The following CAPRIN1 variants were observed in gnomAD, a reference collection of about 807,000 sequenced individuals.
CAPRIN1 encodes the protein cell cycle associated protein 1.
CAPRIN1 carries 29 observed loss-of-function variants against 100.9 expected under a neutral mutation model. That is an observed-to-expected ratio of 0.29 (90% CI 0.21 to 0.39). The LOEUF is 0.39. CAPRIN1 is among the 10% of genes least tolerant of loss of function. The pLI, the probability that CAPRIN1 is intolerant of heterozygous loss-of-function variation, is 1.00. For synonymous variants in CAPRIN1, 338 were observed against 307.5 expected (o/e 1.10, Z -1.04); for missense variants, 795 against 876.7 (o/e 0.91, Z 1.18).
chr11:34,090,277 T>G lies in CAPRIN1; in HGVS notation c.1392T>G (p.Ile464Met). ...ATEQRPQKEP[I>M]DQIQATISLN... ...AGCAACGACCACAGAAGGAACCAAT[T>G]GATCAGATTCAGGCAAGTTCTGTTA... Residue 464 changes from isoleucine (I) to methionine (M), a missense_variant, in exon 13 of 19, where the codon ATT (isoleucine) becomes ATG (methionine). Coordinates refer to ENST00000341394, the MANE Select transcript of CAPRIN1 (RefSeq NM_005898.5). 2 of 1,612,390 alleles carry G rather than the reference T, an allele frequency of 1.2e-6. No homozygotes were observed. Among genetic ancestry groups the G allele is most frequent in the Non-Finnish European group, 1.7e-6 (2 of 1,178,444 alleles).
At chr11:34,053,548 G>C (rs1480943813) in intron 2 of CAPRIN1, 4 of 151,882 alleles carry the variant, frequency 2.6e-5, no homozygotes, top group Non-Finnish European at 5.9e-5. Flanking sequence ...CAGAGGGGGA[G>C]GGCAGAGACC....
At chr11:34,060,023 C>T (rs116749066) in intron 2 of CAPRIN1, among the ~76,000 whole-genome samples, 12,332 of 150,012 alleles carry the variant, frequency 0.082, 523 homozygotes, top group Non-Finnish European at 0.091. Flanking sequence ...TGTGAAACCC[C>T]GCCTCTATTA....
At chr11:34,059,061 ATTTC>A (rs1182533915) in intron 2 of CAPRIN1, among the ~76,000 whole-genome samples, 4 of 152,062 alleles carry the variant, frequency 2.6e-5, no homozygotes, top group South Asian at 2.1e-4. Flanking sequence ...TAGCTCATTT[ATTTC>A]TTTCTTTCAC....
intron 18 of CAPRIN1, chr11:34,098,162 T>C: frequency 1.0e-6 from 1 of 1,002,292 alleles, no homozygotes; most frequent in Non-Finnish European, 1.2e-6. Context: ...GAAACATGCC[T>C]ATTATATTTT....
At chr11:34,092,770 C>G (rs534354972) in intron 15 of CAPRIN1, among the ~76,000 whole-genome samples, 2 of 152,280 alleles carry the variant, frequency 1.3e-5, no homozygotes, top group African/African-American at 4.8e-5. Flanking sequence ...ATTTCGTGGA[C>G]TGGGTTGAAA....
rs913489899 is a variant in CAPRIN1, at chr11:34,101,450, CCT to C, written c.*2086_*2087del. Reference sequence around the variant, plus strand: ...CTGAAGTAAGTTCTTCACACAGTGACCTCTGAATCAGTTTCAGAGAAGGGATG... The same window carrying C: ...CTGAAGTAAGTTCTTCACACAGTGACCTGAATCAGTTTCAGAGAAGGGATG... On this transcript the variant is annotated 3_prime_UTR_variant, in exon 19 of 19. Coordinates refer to ENST00000341394, the MANE Select transcript of CAPRIN1 (RefSeq NM_005898.5). Among the ~76,000 whole-genome samples, 1 of 152,142 alleles carries C rather than the reference CCT, an allele frequency of 6.6e-6. No individual in the cohort carries two copies. Among genetic ancestry groups the C allele is most frequent in the African/African-American group, 2.4e-5 (1 of 41,442 alleles).
At chr11:34,070,697 G>GA (rs1429480409) in intron 2 of CAPRIN1, among the ~76,000 whole-genome samples, 1 of 147,984 alleles carries the variant, frequency 6.8e-6, no homozygotes, top group East Asian at 2.0e-4. Flanking sequence ...TGCCTGGCCC[G>GA]AAAAAATACT....
intron 2 of CAPRIN1, among the ~76,000 whole-genome samples, chr11:34,057,685 T>TA (rs1850480643): frequency 6.6e-6 from 1 of 152,208 alleles, no homozygotes; most frequent in African/African-American, 2.4e-5. Context: ...GCTATAATCT[T>TA]ACACTGTTAT....
chr11:34,052,345 C>T (rs984972031), intron 1 of CAPRIN1, 76 bp from the exon 2 acceptor site: 3 of 1,205,902 alleles, frequency 2.5e-6, no homozygotes, highest in Non-Finnish European at 3.6e-6. Flanking sequence ...TGTCCCGCGT[C>T]TCGCCCCGTC....
At chr11:34,083,102 T>C in intron 9 of CAPRIN1, 61 bp downstream of exon 9, 1 of 1,087,102 alleles carries the variant, frequency 9.2e-7, no homozygotes, top group Non-Finnish European at 1.4e-6. Flanking sequence ...TTTTTATCTC[T>C]ACTGAGAACA....
Position 34,076,379 on chromosome 11 carries a change from A to G in CAPRIN1, c.510A>G (p.Gln170=), listed in dbSNP as rs1850907578. Residue 170 remains glutamine (Q), a synonymous_variant, in exon 5 of 19, where the codon CAA becomes CAG. Transcript: ENST00000341394. The part of the protein sequence containing the change: ...GDDEVRTDLK[Q]GLNGVPILSE... The stretch of plus-strand genomic sequence containing the variant: ...ATGAAGTGCGGACTGACCTGAAACA[A>G]GGTTTGAATGGAGTGCCAATATTGT... 1.9e-6 allele frequency: 3 copies of G among 1,614,080 alleles called. No individual in the cohort carries two copies. Among genetic ancestry groups the G allele is most frequent in the African/African-American group, 1.3e-5 (1 of 74,942 alleles).
chr11:34,079,905 G>GTTTTTTGTTTTTTTTTTTTTTT (rs1850980964), intron 7 of CAPRIN1, 140 bp downstream of exon 7: 1 of 316,642 alleles, frequency 3.2e-6, no homozygotes, highest in African/African-American at 2.9e-5. Flanking sequence ...GCATGACAAA[G>GTTTTTTGTTTTTTTTTTTTTTT]TTTTTTTTTT....
intron 15 of CAPRIN1, among the ~76,000 whole-genome samples, chr11:34,093,199 TATA>T (rs1851296642): frequency 6.7e-6 from 1 of 149,784 alleles, no homozygotes; most frequent in African/African-American, 2.5e-5. Context: ...TTTTTTTATA[TATA>T]TATTTTTTTA....
At position 34,101,192 on chromosome 11, in the gene CAPRIN1, G is replaced by GT. The variant is rs1287226721; in HGVS notation, c.*1827dup. 6.6e-6 allele frequency: 1 copy of GT among 152,254 alleles called. No individual in the cohort carries two copies. The highest frequency in any genetic ancestry group is 2.4e-5 in the African/African-American group (1 of 41,404). 9.4% of individuals were successfully genotyped at this position (152,254 alleles called of 1,614,324 possible). A position where few individuals can be genotyped will look rare whatever the true frequency, so the allele number is the denominator to read the frequency against. ...GGTTGTGGTACATCATATTGGAAGG[G>GT]TTAACCTGTTACTTTGGCAAATGAG... is the stretch of plus-strand genomic sequence containing the variant. On this transcript the variant is annotated 3_prime_UTR_variant, in exon 19 of 19. Transcript: ENST00000341394.
In CAPRIN1 at chr11:34,065,103, G is replaced by C. The variant is rs189736801; in HGVS notation, c.217-6623G>C. ...GCCTCCTGAGTAGCTGGGACTACAG[G>C]TCCCCGCCACCACGCCCGACTAATT... On this transcript the variant is annotated intron_variant, in intron 2 of 18. Coordinates refer to ENST00000341394, the MANE Select transcript of CAPRIN1 (RefSeq NM_005898.5). Among the ~76,000 whole-genome samples the C allele has an allele frequency of 8.2e-3, 1,239 of 151,762 alleles. 5 individuals carry two copies. The highest frequency in any genetic ancestry group is 0.012 in the Admixed American group (188 of 15,238).
At chr11:34,066,742 C>T (rs1314967301) in intron 2 of CAPRIN1, among the ~76,000 whole-genome samples, 4 of 152,070 alleles carry the variant, frequency 2.6e-5, no homozygotes, top group African/African-American at 9.7e-5. Context: ...CCTCCTGCCT[C>T]AGCCTCCCGA....
chr11:34,056,652 A>G (rs976405742), intron 2 of CAPRIN1: 3 of 152,230 alleles, frequency 2.0e-5, no homozygotes, highest in Non-Finnish European at 2.9e-5. Context: ...GCTATGCAAG[A>G]TATTTCAAAA....
intron 7 of CAPRIN1, among the ~76,000 whole-genome samples, chr11:34,080,544 G>A (rs747255976): frequency 6.6e-6 from 1 of 152,090 alleles, no homozygotes; most frequent in Non-Finnish European, 1.5e-5. Flanking sequence ...CCAAGGCAAG[G>A]GGTCTTTTCC....
Position 34,079,683 on chromosome 11 carries a change from C to T in CAPRIN1, c.744C>T (p.Ser248=). The T allele has an allele frequency of 1.9e-6, 3 of 1,613,978 alleles. No individual in the cohort carries two copies. The highest frequency in any genetic ancestry group is 1.1e-5 in the South Asian group (1 of 91,078). The change falls in exon 7 of 19, where the codon AGC becomes AGT. Residue 248 remains serine (S), a synonymous_variant. Coordinates refer to ENST00000341394, the MANE Select transcript of CAPRIN1 (RefSeq NM_005898.5). The stretch of plus-strand genomic sequence containing the variant: ...TTTTTCAGTCAAACTACTTTGACAG[C>T]ACCCACAACCACCAGAATGGGCTGT... ...ERVFQSNYFD[S]THNHQNGLCE...
Sources: gnomAD v4.1 joint callset for allele counts (sites outside exome capture counted in the v4.1 genomes callset) on GRCh38, gnomAD v4.1.1 for gene constraint, MANE v1.5 for transcripts, NCBI Gene and HGNC (gene_info 2026-07-23, HGNC 2026-07-21) for gene names.